The following BAIAP2 variants were observed in gnomAD, a reference collection of about 807,000 sequenced individuals.
BAIAP2 encodes BAR/IMD domain-containing adapter protein 2.
In BAIAP2, 18 loss-of-function variants were observed where a neutral mutation model predicts 63.0. The ratio of observed to expected loss-of-function variants is 0.29; its 90% CI spans 0.20 to 0.42. BAIAP2 has a LOEUF of 0.42. Ranked by LOEUF, BAIAP2 falls within the 10% of genes least tolerant of loss-of-function variation. The pLI is 1.00. For synonymous variants in BAIAP2, 386 were observed against 307.6 expected, an observed-to-expected ratio of 1.25 and a Z score of -2.67; for missense variants, 610 against 734.3, an observed-to-expected ratio of 0.83 and a Z score of 1.96.
Position 81,108,419 on chromosome 17 carries a change from G to T in BAIAP2, c.1501-56G>T, listed in dbSNP as rs2059429217. ...TTGTGGGTGTGTACAGGCAGCGGGTGGGGGTGACCACAGGCCCCGTCACCC... is the reference window on the plus strand; with the variant it reads ...TTGTGGGTGTGTACAGGCAGCGGGTTGGGGTGACCACAGGCCCCGTCACCC... On this transcript the variant is annotated intron_variant, in intron 12 of 13. Coordinates refer to ENST00000428708, the MANE Select transcript of BAIAP2 (RefSeq NM_001144888.2). The T allele has an allele frequency of 2.5e-6, 4 of 1,590,810 alleles. No individual in the cohort carries two copies. In the South Asian group the frequency reaches 3.3e-5, roughly 13 times the overall value.
At chr17:81,040,649 C>G (rs1282449196) in intron 1 of BAIAP2, among the ~76,000 whole-genome samples, 1 of 152,262 alleles carries the variant, frequency 6.6e-6, no homozygotes, top group Admixed American at 6.5e-5. Flanking sequence ...AGCATTCATG[C>G]TTGAATCACT....
At chr17:81,103,847 C>A (rs2058803329) in intron 8 of BAIAP2, 60 bp from the exon 9 acceptor site, 2 of 1,601,752 alleles carry the variant, frequency 1.2e-6, no homozygotes, top group African/African-American at 1.3e-5. Context: ...GGTTCTCTTT[C>A]CCCCTGGTCT....
At chr17:81,078,608 G>A (rs548595831) in intron 3 of BAIAP2, among the ~76,000 whole-genome samples, 1 of 149,974 alleles carries the variant, frequency 6.7e-6, no homozygotes, top group Non-Finnish European at 1.5e-5. Flanking sequence ...TGCCGTATTG[G>A]GTGGGAGCCG....
intron 1 of BAIAP2, among the ~76,000 whole-genome samples, chr17:81,051,123 C>T (rs2048614382): frequency 6.6e-6 from 1 of 150,900 alleles, no homozygotes; most frequent in African/African-American, 2.4e-5. Context: ...TTAAAGTGTC[C>T]AGGCTCCTGG....
At chr17:81,106,185 T>C (rs1375051875) in intron 11 of BAIAP2, 39 bp downstream of exon 11, 1 of 1,546,332 alleles carries the variant, frequency 6.5e-7, no homozygotes, top group African/African-American at 1.4e-5. Flanking sequence ...GATCCCCAGC[T>C]CGGGAGAGGG....
rs770789583 is a variant in BAIAP2 at position 81,086,408 on chromosome 17, G to A, written c.352-35G>A. ...TGGTCCGCGCTGCGTTGGGTTCATG[G>A]GCCTTGGTTTTGTGTTTTATTGTTT... On this transcript the variant is annotated intron_variant, in intron 5 of 13. Transcript: ENST00000428708. The A allele has an allele frequency of 3.1e-6, 5 of 1,610,570 alleles. No individual in the cohort carries two copies. The South Asian group carries it at 4.4e-5, about 14-fold the overall frequency.
In BAIAP2 at chr17:81,092,123, C is replaced by T. The variant is rs187454764; in HGVS notation, c.489+5543C>T. Among the ~76,000 whole-genome samples the T allele has an allele frequency of 3.5e-3, 526 of 152,324 alleles. 8 individuals are homozygous for T. The South Asian group carries it at 0.039, about 11-fold the overall frequency. On this transcript the variant is annotated intron_variant, in intron 6 of 13. Coordinates refer to ENST00000428708, the MANE Select transcript of BAIAP2 (RefSeq NM_001144888.2). The stretch of plus-strand genomic sequence containing the variant: ...TCAGCGACCCAAGAGCTGGGTGTCT[C>T]GAAGTGATTGCCGGGGTCTCCAGTG...
At position 81,106,708 on chromosome 17, in the gene BAIAP2, G is replaced by A. The variant is rs370608549; in HGVS notation, c.1338-37G>A. The A allele has an allele frequency of 5.6e-5, 90 of 1,611,440 alleles. No homozygotes were observed. The Middle Eastern group carries it at 1.2e-3, about 21-fold the overall frequency. The stretch of plus-strand genomic sequence containing the variant: ...GGGTTGTGGGGTGTTGGGGGCATCC[G>A]GCCTGCTGGGCCGCCTCTGAGTCCC... On this transcript the variant is annotated intron_variant, in intron 11 of 13. Coordinates refer to ENST00000428708, the MANE Select transcript of BAIAP2 (RefSeq NM_001144888.2).
At chr17:81,036,821 T>G (rs1338590022) in intron 1 of BAIAP2, 3 of 1,475,284 alleles carry the variant, frequency 2.0e-6, no homozygotes, top group South Asian at 2.4e-5. Context: ...GTTTATTAAA[T>G]TATTAGTCAT....
intron 7 of BAIAP2, among the ~76,000 whole-genome samples, chr17:81,101,054 A>G (rs1417883802): frequency 6.6e-6 from 1 of 150,958 alleles, no homozygotes; most frequent in East Asian, 1.9e-4. Context: ...GTCCCCCGGC[A>G]CAGTCCTGCG....
intron 8 of BAIAP2, 72 bp downstream of exon 8, chr17:81,103,795 G>A (rs1031065700): frequency 9.3e-5 from 146 of 1,576,346 alleles, no homozygotes; most frequent in Non-Finnish European, 9.9e-5. Flanking sequence ...GCGGGGGGCC[G>A]CCAGGGTGCA....
intron 1 of BAIAP2, among the ~76,000 whole-genome samples, chr17:81,041,957 A>AAAAT: frequency 6.6e-6 from 1 of 152,184 alleles, no homozygotes; most frequent in Admixed American, 6.5e-5. Flanking sequence ...TTTTTCATGA[A>AAAAT]GAGTTTGACT....
rs113194601 is a variant in BAIAP2, at chr17:81,062,512, T to C, written c.217+4545T>C. 3.5e-3 allele frequency among the ~76,000 whole-genome samples: 529 copies of C among 152,326 alleles called. 4 individuals are homozygous for C. The highest frequency in any genetic ancestry group is 0.012 in the African/African-American group (515 of 41,568). ...CCCTTGCACTGGCTTTGCTGTTGGCTGGGAGGTCAGTCTCTGTTTCTTCTC... is the reference window on the plus strand; with the variant it reads ...CCCTTGCACTGGCTTTGCTGTTGGCCGGGAGGTCAGTCTCTGTTTCTTCTC... On this transcript the variant is annotated intron_variant, in intron 3 of 13. Coordinates refer to ENST00000428708, the MANE Select transcript of BAIAP2 (RefSeq NM_001144888.2).
intron 6 of BAIAP2, among the ~76,000 whole-genome samples, chr17:81,096,411 G>T (rs2057619810): frequency 6.6e-6 from 1 of 152,202 alleles, no homozygotes; most frequent in African/African-American, 2.4e-5. Flanking sequence ...GCACCGAATA[G>T]CTCCCTCCAA....
chr17:81,040,660 G>C (rs911151690), intron 1 of BAIAP2, among the ~76,000 whole-genome samples: 2 of 152,262 alleles, frequency 1.3e-5, no homozygotes, highest in South Asian at 2.1e-4. Context: ...TTGAATCACT[G>C]TCCCGCCTTT....
chr17:81,063,062 A>C (rs2050861579), intron 3 of BAIAP2, among the ~76,000 whole-genome samples: 1 of 152,082 alleles, frequency 6.6e-6, no homozygotes, highest in Non-Finnish European at 1.5e-5. Flanking sequence ...TGCAGCCTCC[A>C]GGGCCCACAG....
At chr17:81,067,825 C>A (rs1203899071) in intron 3 of BAIAP2, among the ~76,000 whole-genome samples, 2 of 152,352 alleles carry the variant, frequency 1.3e-5, no homozygotes, top group East Asian at 3.9e-4. Context: ...CCCTGAGATG[C>A]CGGGGCTGCC....
rs2046030555 is a variant in BAIAP2, at chr17:81,035,165, C to G, written c.-90C>G. On this transcript the variant is annotated 5_prime_UTR_variant, in exon 1 of 14. Coordinates refer to ENST00000428708, the MANE Select transcript of BAIAP2 (RefSeq NM_001144888.2). ...CGCCGGGCTCTGTGGTTCGGGTCCG[C>G]TTTCGTCTCCGTCCTGCTGCCGTTA... is the stretch of plus-strand genomic sequence containing the variant. The G allele has an allele frequency of 1.8e-6, 2 of 1,139,224 alleles. No individual in the cohort carries two copies. Among genetic ancestry groups the G allele is most frequent in the Non-Finnish European group, 1.2e-6 (1 of 840,900 alleles). 70.6% of individuals were successfully genotyped at this position (1,139,224 alleles called of 1,614,324 possible).
chr17:81,101,626 C>G (rs549936355), intron 7 of BAIAP2, among the ~76,000 whole-genome samples: 1 of 138,854 alleles, frequency 7.2e-6, no homozygotes, highest in Non-Finnish European at 1.6e-5. Flanking sequence ...CATGTACGTG[C>G]GCGTGCGTGC....
Sources: gnomAD v4.1 joint callset for allele counts (sites outside exome capture counted in the v4.1 genomes callset) on GRCh38, gnomAD v4.1.1 for gene constraint, MANE v1.5 for transcripts, NCBI Gene and HGNC (gene_info 2026-07-23, HGNC 2026-07-21) for gene names.